The following YTHDC2 variants were observed in gnomAD, a reference collection of about 807,000 sequenced individuals.
YTHDC2 encodes YTH N6-methyladenosine RNA binding protein C2.
YTHDC2 carries 45 observed loss-of-function variants against 174.9 expected under a neutral mutation model. The ratio of observed to expected loss-of-function variants is 0.26; its 90% CI spans 0.20 to 0.33. The LOEUF (loss-of-function observed/expected upper bound fraction) is 0.33, where lower values mean the gene tolerates loss of function less well. YTHDC2 is among the 10% of genes least tolerant of loss of function. The pLI, the probability that YTHDC2 is intolerant of heterozygous loss-of-function variation, is 1.00. For synonymous variants in YTHDC2, 657 were observed against 574.5 expected (o/e 1.14, Z -2.05); for missense variants, 1,650 against 1,723.7 (o/e 0.96, Z 0.76).
intron 1 of YTHDC2, 147 bp downstream of exon 1, chr5:113,514,229 G>C: frequency 9.7e-7 from 1 of 1,034,944 alleles, no homozygotes; most frequent in Non-Finnish European, 1.4e-6. Flanking sequence ...CTCAGCGGCG[G>C]CACCCGGGTC....
intron 8 of YTHDC2, among the ~76,000 whole-genome samples, chr5:113,540,400 A>G (rs557640814): frequency 6.6e-6 from 1 of 152,346 alleles, no homozygotes; most frequent in African/African-American, 2.4e-5. Context: ...GCATGAATGT[A>G]TTAGCCCATT....
At chr5:113,537,542 C>CT (rs373728751) in intron 7 of YTHDC2, among the ~76,000 whole-genome samples, 417 of 144,110 alleles carry the variant, frequency 2.9e-3, no homozygotes, top group Admixed American at 3.6e-3. Context: ...GATCCGTTTC[C>CT]TTTTTTTTTT....
intron 4 of YTHDC2, among the ~76,000 whole-genome samples, chr5:113,529,174 A>G (rs1774486128): frequency 6.6e-6 from 1 of 152,198 alleles, no homozygotes; most frequent in Non-Finnish European, 1.5e-5. Flanking sequence ...TTGCTGAGTT[A>G]TGTAAGAGTT....
At position 113,513,952 on chromosome 5, in the gene YTHDC2, C is replaced by T. The variant is rs1773207888; in HGVS notation, c.57C>T (p.Gly19=). The part of the protein sequence containing the change: ...PRQPAPGGGG[G]GGPSPCGPGG... ...AGCCGGCTCCTGGCGGTGGCGGAGG[C>T]GGCGGCCCCTCGCCTTGTGGCCCTG... Residue 19 remains glycine (G), a synonymous_variant, in exon 1 of 30, where the codon GGC becomes GGT. Transcript: ENST00000161863. 1.2e-6 allele frequency: 2 copies of T among 1,602,906 alleles called. No individual in the cohort carries two copies. The highest frequency in any genetic ancestry group is 1.1e-5 in the South Asian group (1 of 89,886).
chr5:113,538,182 C>G (rs1175717806), intron 7 of YTHDC2, among the ~76,000 whole-genome samples: 2 of 152,114 alleles, frequency 1.3e-5, no homozygotes, highest in Non-Finnish European at 2.9e-5. Flanking sequence ...TTGGTTTTCA[C>G]TATTATTAAT....
At chr5:113,527,784 A>G (rs779656725) in intron 4 of YTHDC2, among the ~76,000 whole-genome samples, 1 of 152,022 alleles carries the variant, frequency 6.6e-6, no homozygotes, top group Non-Finnish European at 1.5e-5. Flanking sequence ...TTTCTTTAGC[A>G]TGAGTTTGTT....
At chr5:113,519,344 G>A (rs537377098) in intron 2 of YTHDC2, among the ~76,000 whole-genome samples, 22 of 152,110 alleles carry the variant, frequency 1.4e-4, no homozygotes, top group African/African-American at 5.1e-4. Context: ...AACTTTAAAG[G>A]TTGTGTTTAA....
At chr5:113,556,158 C>T (rs1776590193) in intron 17 of YTHDC2, 24 bp downstream of exon 17, 3 of 1,404,548 alleles carry the variant, frequency 2.1e-6, no homozygotes, top group East Asian at 4.6e-5. Context: ...AATGTATATT[C>T]ATTCAATTGC....
chr5:113,555,552 C>T (rs535671972), intron 16 of YTHDC2, among the ~76,000 whole-genome samples: 1 of 152,096 alleles, frequency 6.6e-6, no homozygotes, highest in African/African-American at 2.4e-5. Flanking sequence ...GTTAGTAGCT[C>T]AGCAGGAAGT....
intron 12 of YTHDC2, among the ~76,000 whole-genome samples, chr5:113,550,035 TC>T (rs1257303958): frequency 6.6e-6 from 1 of 152,026 alleles, no homozygotes; most frequent in Non-Finnish European, 1.5e-5. Context: ...AAAATTTGCT[TC>T]CTATGTACTC....
At position 113,567,111 on chromosome 5, in the gene YTHDC2, T is replaced by G; in HGVS notation, c.2862T>G (p.Gly954=). The change falls in exon 22 of 30, where the codon GGT becomes GGG. Residue 954 remains glycine, a synonymous_variant. Coordinates refer to ENST00000161863, the MANE Select transcript of YTHDC2 (RefSeq NM_022828.5). ...LRASGFVRAR[G]GGDIRDVNTN... The stretch of plus-strand genomic sequence containing the variant: ...CTCTAGGTTTTGTTAGAGCACGAGG[T>G]GGTGGTGACATTCGGGACGTTAACA... The G allele has an allele frequency of 6.2e-7, 1 of 1,613,574 alleles. No individual in the cohort carries two copies. The highest frequency in any genetic ancestry group is 1.7e-5 in the Admixed American group (1 of 59,916).
chr5:113,591,576 A>G (rs571072072), intron 27 of YTHDC2, among the ~76,000 whole-genome samples: 38 of 152,250 alleles, frequency 2.5e-4, no homozygotes, highest in Middle Eastern at 3.4e-3. Flanking sequence ...GTTAGTATTG[A>G]CAATCAGTAA....
chr5:113,535,267 C>T (rs898701813), intron 6 of YTHDC2, among the ~76,000 whole-genome samples: 22 of 152,042 alleles, frequency 1.4e-4, no homozygotes, highest in African/African-American at 5.1e-4. Flanking sequence ...CCTAGCATTA[C>T]ACTGTACTAG....
rs1778413438 is a variant in YTHDC2 at position 113,581,722 on chromosome 5, C to CA, written c.3647+14dup. ...CTACTGCAGAAAGGTAAATTTATGA[C>CA]ATTTTACCAAAATGGGTCACTTTTT... On this transcript the variant is annotated intron_variant, in intron 25 of 29. Coordinates refer to ENST00000161863, the MANE Select transcript of YTHDC2 (RefSeq NM_022828.5). The CA allele has an allele frequency of 2.0e-6, 3 of 1,464,556 alleles. No individual in the cohort carries two copies. The East Asian group carries it at 7.4e-5, about 36-fold the overall frequency. The allele number at this position is 1,464,556 out of a possible 1,614,324, so 90.7% of individuals were successfully genotyped here.
Position 113,525,141 on chromosome 5 carries a change from A to G in YTHDC2, c.439A>G (p.Lys147Glu). Reference protein sequence around the residue: ...TNKERTELLPKTERGNVFAVE... With the variant: ...TNKERTELLPETERGNVFAVE... Reference sequence around the variant, plus strand: ...TAAAGAGCGTACAGAACTTCTGCCTAAAACAGAAAGAGGAAATGTGTTTGC... The same window carrying G: ...TAAAGAGCGTACAGAACTTCTGCCTGAAACAGAAAGAGGAAATGTGTTTGC... The change falls in exon 3 of 30, where the codon AAA becomes GAA. Residue 147 changes from lysine to glutamate, a missense_variant. Lys to Glu is a moderately conservative substitution (Grantham distance 56). Coordinates refer to ENST00000161863, the MANE Select transcript of YTHDC2 (RefSeq NM_022828.5). 1 of 1,604,026 alleles carries G rather than the reference A, an allele frequency of 6.2e-7. No homozygotes were observed. The highest frequency in any genetic ancestry group is 8.5e-7 in the Non-Finnish European group (1 of 1,176,062).
At chr5:113,535,586 A>C in intron 6 of YTHDC2, 56 bp from the exon 7 acceptor site, 1 of 1,462,218 alleles carries the variant, frequency 6.8e-7, no homozygotes, top group Non-Finnish European at 9.1e-7. Context: ...GTTTTTAAAG[A>C]CTTAGTCATC....
chr5:113,540,909 A>G, intron 8 of YTHDC2, 59 bp from the exon 9 acceptor site: 1 of 1,511,720 alleles, frequency 6.6e-7, no homozygotes, highest in Non-Finnish European at 9.0e-7. Flanking sequence ...TAAACAAAGG[A>G]ATACATTTCA....
Position 113,548,522 on chromosome 5 carries a change from T to C in YTHDC2, c.1496-19T>C, listed in dbSNP as rs753581706. 6.4e-7 allele frequency: 1 copy of C among 1,571,152 alleles called. No individual in the cohort carries two copies. Among genetic ancestry groups the C allele is most frequent in the South Asian group, 1.2e-5 (1 of 84,470 alleles). On this transcript the variant is annotated intron_variant, in intron 10 of 29. Transcript: ENST00000161863. ...GTACTTTGGAAATTTAAGTTTTATT[T>C]ATCTTTTCCTTTTTTTAGTTGATTA...
chr5:113,567,711 A>G lies in YTHDC2; in HGVS notation c.3106A>G (p.Ile1036Val). Residue 1036 changes from isoleucine (I) to valine (V), a missense_variant, in exon 23 of 30, where the codon ATT becomes GTT. Transcript: ENST00000161863. ...AIKALPTDWL[I>V]YDEMTRAHRI... The stretch of plus-strand genomic sequence containing the variant: ...TAAGGCACTGCCCACAGATTGGCTT[A>G]TTTATGATGAAATGACCAGAGCCCA... 6.2e-7 allele frequency: 1 copy of G among 1,610,054 alleles called. No individual in the cohort carries two copies. Among genetic ancestry groups the G allele is most frequent in the Non-Finnish European group, 8.5e-7 (1 of 1,178,324 alleles).
Sources: allele counts gnomAD v4.1 joint callset (sites outside exome capture counted in the v4.1 genomes callset), GRCh38; gene constraint gnomAD v4.1.1; transcripts MANE v1.5; gene names NCBI Gene and HGNC (gene_info 2026-07-23, HGNC 2026-07-21).